TNFSF11: variants seen among roughly 807,000 people sequenced by gnomAD.
TNFSF11 encodes the protein TNF superfamily member 11, also known as tumor necrosis factor ligand superfamily member 11.
Under a neutral mutation model 32.2 loss-of-function variants are expected in TNFSF11, and 12 were observed. The ratio of observed to expected loss-of-function variants is 0.37; its 90% CI spans 0.24 to 0.60. The LOEUF is 0.60. Ranked by LOEUF, TNFSF11 falls within the 20% of genes least tolerant of loss-of-function variation. The pLI is 0.66. For missense variants in TNFSF11, 345 were observed against 398.0 expected (o/e 0.87, Z 1.13); for synonymous variants, 172 against 152.1 (o/e 1.13, Z -0.96).
intron 2 of TNFSF11, among the ~76,000 whole-genome samples, chr13:42,595,364 G>A (rs1594474789): frequency 6.6e-6 from 1 of 152,160 alleles, no homozygotes; most frequent in Non-Finnish European, 1.5e-5. Flanking sequence ...TTGTTACAGC[G>A]TGACCATAAA....
At position 42,574,459 on chromosome 13, in the gene TNFSF11, C is replaced by G; in HGVS notation, c.156C>G (p.Leu52=). The G allele has an allele frequency of 6.2e-7, 1 of 1,608,918 alleles. No homozygotes were observed. Among genetic ancestry groups the G allele is most frequent in the Non-Finnish European group, 8.5e-7 (1 of 1,179,714 alleles). The stretch of plus-strand genomic sequence containing the variant: ...CCTCCCGCTCCATGTTCGTGGCCCT[C>G]CTGGGGCTGGGGCTGGGCCAGGTTG... ...PAASRSMFVA[L]LGLGLGQVVC... is the part of the protein sequence containing the mutation. Residue 52 remains leucine, a synonymous_variant, in exon 1 of 5, where the codon CTC becomes CTG. Coordinates refer to ENST00000398795, the MANE Select transcript of TNFSF11 (RefSeq NM_003701.4).
At chr13:42,591,989 G>T (rs1034572954) in intron 2 of TNFSF11, among the ~76,000 whole-genome samples, 1 of 152,160 alleles carries the variant, frequency 6.6e-6, no homozygotes, top group Non-Finnish European at 1.5e-5. Flanking sequence ...CTCCTTCCAG[G>T]TGATGAGGTT....
chr13:42,595,471 TC>T (rs1474093057), intron 2 of TNFSF11, among the ~76,000 whole-genome samples: 3 of 152,184 alleles, frequency 2.0e-5, no homozygotes, highest in African/African-American at 7.2e-5. Context: ...AGAAGGTAGA[TC>T]ACAAATCCTC....
At chr13:42,598,381 A>T (rs1868936313) in intron 2 of TNFSF11, among the ~76,000 whole-genome samples, 1 of 152,254 alleles carries the variant, frequency 6.6e-6, no homozygotes. Flanking sequence ...TATACTGTGT[A>T]TATATAACCA....
chr13:42,583,648 A>G (rs1272922910), intron 2 of TNFSF11, among the ~76,000 whole-genome samples: 1 of 152,030 alleles, frequency 6.6e-6, no homozygotes, highest in African/African-American at 2.4e-5. Context: ...CGAATGTAAT[A>G]ACTTTTTATG....
chr13:42,564,091 TC>T (rs1872782722), intron 1 of TNFSF11, among the ~76,000 whole-genome samples: 2 of 152,204 alleles, frequency 1.3e-5, no homozygotes, highest in Non-Finnish European at 2.9e-5. Context: ...TTTTTTATTA[TC>T]CAGTCTGTTA....
In TNFSF11 at chr13:42,607,693, A is replaced by G. The variant is rs1869540941; in HGVS notation, c.*775A>G. On this transcript the variant is annotated 3_prime_UTR_variant, in exon 5 of 5. Transcript: ENST00000398795. ...AAAAAAATTAAAATGGATGCCTTGA[A>G]TAATAAGCAGGATGTTGGCCACCAG... 6.5e-6 allele frequency: 1 copy of G among 152,802 alleles called. No homozygotes were observed. Among genetic ancestry groups the G allele is most frequent in the Non-Finnish European group, 1.5e-5 (1 of 68,044 alleles). The allele number at this position is 152,802 out of a possible 1,614,324, so 9.5% of individuals were successfully genotyped here.
At chr13:42,605,271 G>A (rs1869394054) in intron 4 of TNFSF11, among the ~76,000 whole-genome samples, 1 of 152,174 alleles carries the variant, frequency 6.6e-6, no homozygotes, top group South Asian at 2.1e-4. Flanking sequence ...GTGGCTGCAG[G>A]AACTCTCTCA....
rs947851761 is a variant in TNFSF11, at chr13:42,594,405, GA to G, written c.388-6337del. Reference sequence around the variant, plus strand: ...GCCTATTTATATTACTTTGTAAGTTGAAAAAAAAAACACTGTAGTAAAACAA... The same window carrying G: ...GCCTATTTATATTACTTTGTAAGTTGAAAAAAAAACACTGTAGTAAAACAA... On this transcript the variant is annotated intron_variant, in intron 2 of 4. Coordinates refer to ENST00000398795, the MANE Select transcript of TNFSF11 (RefSeq NM_003701.4). Among the ~76,000 whole-genome samples, 61 of 146,502 alleles carry G rather than the reference GA, an allele frequency of 4.2e-4. No homozygotes were observed. The East Asian group carries it at 7.9e-3, about 19-fold the overall frequency.
chr13:42,569,984 A>G (rs1423324104), upstream of TNFSF11, among the ~76,000 whole-genome samples: 1 of 152,104 alleles, frequency 6.6e-6, no homozygotes, highest in South Asian at 2.1e-4. Flanking sequence ...TATTTATAAA[A>G]TTATATTAAC....
chr13:42,587,622 A>G (rs1873959113), intron 2 of TNFSF11, among the ~76,000 whole-genome samples: 2 of 152,248 alleles, frequency 1.3e-5, no homozygotes, highest in African/African-American at 4.8e-5. Flanking sequence ...AGGAAGTTTC[A>G]AAGGTCTGTT....
upstream of TNFSF11, among the ~76,000 whole-genome samples, chr13:42,569,610 AG>A: frequency 6.6e-6 from 1 of 151,960 alleles, no homozygotes; most frequent in East Asian, 1.9e-4. Context: ...TTAGAGTTAG[AG>A]TCAGAGAGAA....
chr13:42,574,841 G>C (rs993881624), intron 1 of TNFSF11, among the ~76,000 whole-genome samples: 12 of 152,320 alleles, frequency 7.9e-5, no homozygotes, highest in African/African-American at 2.9e-4. Flanking sequence ...CACCTTTTCT[G>C]GTAGTGATTG....
chr13:42,589,233 G>T (rs1052924537), intron 2 of TNFSF11, among the ~76,000 whole-genome samples: 1 of 152,052 alleles, frequency 6.6e-6, no homozygotes, highest in Non-Finnish European at 1.5e-5. Context: ...GTCAGAAGAT[G>T]GTCTTATCCT....
intron 2 of TNFSF11, among the ~76,000 whole-genome samples, chr13:42,596,731 A>G (rs527318494): frequency 1.3e-5 from 2 of 152,384 alleles, no homozygotes; most frequent in South Asian, 4.1e-4. Flanking sequence ...TGGAATATAT[A>G]TGCAAGTCAT....
At chr13:42,580,539 A>C (rs1873551488) in intron 1 of TNFSF11, among the ~76,000 whole-genome samples, 1 of 152,190 alleles carries the variant, frequency 6.6e-6, no homozygotes, top group Non-Finnish European at 1.5e-5. Context: ...GAGGGTCAAC[A>C]AAAAAGACAG....
chr13:42,599,349 C>CTATCATCATCTATCT (rs11385072), intron 2 of TNFSF11, among the ~76,000 whole-genome samples: 2 of 112,186 alleles, frequency 1.8e-5, no homozygotes, highest in Admixed American at 9.5e-5. Flanking sequence ...ATCTATCTAT[C>CTATCATCATCTATCT]ATCTATCTAT....
Position 42,606,723 on chromosome 13 carries a change from T to G in TNFSF11, c.759T>G (p.His253Gln). Residue 253 changes from histidine to glutamine, a missense_variant, in exon 5 of 5, where the codon CAT becomes CAG. His to Gln is a conservative substitution (Grantham distance 24). Transcript: ENST00000398795. Reference protein sequence around the residue: ...TKTSIKIPSSHTLMKGGSTKY... With the variant: ...TKTSIKIPSSQTLMKGGSTKY... ...CCAGCATCAAAATCCCAAGTTCTCATACCCTGATGAAAGGAGGAAGCACCA... is the reference window on the plus strand; with the variant it reads ...CCAGCATCAAAATCCCAAGTTCTCAGACCCTGATGAAAGGAGGAAGCACCA... 6.2e-7 allele frequency: 1 copy of G among 1,614,224 alleles called. No homozygotes were observed. Among genetic ancestry groups the G allele is most frequent in the Non-Finnish European group, 8.5e-7 (1 of 1,180,042 alleles).
chr13:42,597,819 A>G (rs889983226), intron 2 of TNFSF11, among the ~76,000 whole-genome samples: 7 of 152,152 alleles, frequency 4.6e-5, no homozygotes, highest in Admixed American at 3.3e-4. Context: ...GAGCTAGGAC[A>G]AAGGCACTTT....
Sources: gnomAD v4.1 joint callset for allele counts (sites outside exome capture counted in the v4.1 genomes callset) on GRCh38, gnomAD v4.1.1 for gene constraint, MANE v1.5 for transcripts, NCBI Gene and HGNC (gene_info 2026-07-23, HGNC 2026-07-21) for gene names.